IL17B: variants seen among roughly 807,000 people sequenced by gnomAD.
IL17B encodes the protein interleukin-17B.
Under a neutral mutation model 14.7 loss-of-function variants are expected in IL17B, and 14 were observed. The ratio of observed to expected loss-of-function variants is 0.95; its 90% CI spans 0.63 to 1.49. The LOEUF is 1.49. Among genes scored for constraint, IL17B ranks in the 40% most tolerant of loss-of-function variants. The pLI is 0.00. For synonymous variants in IL17B, 105 were observed against 94.8 expected (o/e 1.11, Z -0.62); for missense variants, 233 against 252.8 (o/e 0.92, Z 0.53).
chr5:149,402,270 G>T (rs1050159454), intron 1 of IL17B, among the ~76,000 whole-genome samples: 1 of 152,172 alleles, frequency 6.6e-6, no homozygotes, highest in Non-Finnish European at 1.5e-5. Flanking sequence ...AGCAGCCACG[G>T]TAGTGGAAGA....
intron 1 of IL17B, among the ~76,000 whole-genome samples, chr5:149,387,555 G>A (rs541067388): frequency 1.2e-3 from 180 of 152,106 alleles, no homozygotes; most frequent in Non-Finnish European, 2.2e-3. Context: ...AATTGCTTGA[G>A]GTCAGGAGTT....
intron 1 of IL17B, among the ~76,000 whole-genome samples, chr5:149,394,674 G>A (rs570561333): frequency 2.0e-5 from 3 of 152,284 alleles, no homozygotes; most frequent in Admixed American, 2.0e-4. Context: ...CATAAGAGCT[G>A]GCCAACTTTC....
At chr5:149,394,071 G>A (rs1303509701) in intron 1 of IL17B, among the ~76,000 whole-genome samples, 2 of 152,154 alleles carry the variant, frequency 1.3e-5, no homozygotes, top group African/African-American at 4.8e-5. Context: ...ATCAAAACAT[G>A]TCAGGACACT....
chr5:149,387,775 C>CAAAA (rs57775228), intron 1 of IL17B, among the ~76,000 whole-genome samples: 1 of 81,328 alleles, frequency 1.2e-5, no homozygotes, highest in Non-Finnish European at 2.4e-5. Flanking sequence ...GCCCCTGTCT[C>CAAAA]AAAAAAAAAA....
At chr5:149,389,469 T>C (rs1380191158) in intron 1 of IL17B, among the ~76,000 whole-genome samples, 1 of 152,220 alleles carries the variant, frequency 6.6e-6, no homozygotes, top group Non-Finnish European at 1.5e-5. Flanking sequence ...CTTTTACAGA[T>C]GGGAAAACAG....
chr5:149,394,898 G>A (rs977017754), intron 1 of IL17B, among the ~76,000 whole-genome samples: 2 of 151,824 alleles, frequency 1.3e-5, no homozygotes, highest in Admixed American at 6.6e-5. Flanking sequence ...TAGGTTTAAG[G>A]GTACCTGTGC....
rs2227457 is a variant in IL17B, at chr5:149,376,707, A to T, written c.311+29T>A. ...CACAGGAAAGGTCCCCACCCCCCAA[A>T]GACAGCTTGCCACCACTGCCCAGCC... On this transcript the variant is annotated intron_variant, in intron 2 of 2. Coordinates refer to ENST00000261796, the MANE Select transcript of IL17B (RefSeq NM_014443.3). 3,757 of 1,574,294 alleles carry T rather than the reference A, an allele frequency of 2.4e-3. 118 individuals are homozygous for T. In the East Asian group the frequency reaches 0.074, roughly 31 times the overall value.
intron 1 of IL17B, among the ~76,000 whole-genome samples, chr5:149,377,235 C>T (rs1758570249): frequency 6.6e-6 from 1 of 152,190 alleles, no homozygotes; most frequent in African/African-American, 2.4e-5. Flanking sequence ...CAGTCTTACA[C>T]TCAGCATGCT....
chr5:149,402,551 G>A (rs1014352394), intron 1 of IL17B, among the ~76,000 whole-genome samples: 10 of 152,042 alleles, frequency 6.6e-5, no homozygotes, highest in Admixed American at 6.5e-4. Flanking sequence ...GTAGATTAGG[G>A]AAGAGACAAC....
chr5:149,381,093 C>T (rs1758684417), upstream of IL17B, among the ~76,000 whole-genome samples: 1 of 152,224 alleles, frequency 6.6e-6, no homozygotes, highest in Non-Finnish European at 1.5e-5. Context: ...CACAGACATG[C>T]AACTGGGGTG....
upstream of IL17B, among the ~76,000 whole-genome samples, chr5:149,382,465 T>C (rs911802197): frequency 3.3e-4 from 50 of 152,352 alleles, no homozygotes; most frequent in African/African-American, 1.2e-3. Flanking sequence ...TGCTACTTAA[T>C]ATCCACTTAC....
intron 1 of IL17B, chr5:149,404,058 TC>T (rs943351323): frequency 4.6e-5 from 7 of 152,046 alleles, no homozygotes; most frequent in African/African-American, 1.5e-4. Flanking sequence ...CATACTCAGC[TC>T]CTAACAGGAA....
At chr5:149,391,817 G>T (rs1236560035) in intron 1 of IL17B, among the ~76,000 whole-genome samples, 1 of 152,168 alleles carries the variant, frequency 6.6e-6, no homozygotes, top group East Asian at 1.9e-4. Flanking sequence ...TTCACCATTG[G>T]CTATAAGCTC....
chr5:149,379,603 G>T (rs1015436466), upstream of IL17B, among the ~76,000 whole-genome samples: 3 of 152,238 alleles, frequency 2.0e-5, no homozygotes, highest in African/African-American at 7.2e-5. Context: ...TTGCTTAGGG[G>T]ATGGCAAGGG....
chr5:149,392,934 A>ACGTGCGTGTGTG (rs1039258865), intron 1 of IL17B, among the ~76,000 whole-genome samples: 3 of 92,040 alleles, frequency 3.3e-5, no homozygotes, highest in South Asian at 5.9e-4. Flanking sequence ...ATGTGTGTGT[A>ACGTGCGTGTGTG]CGTGCGTGTG....
intron 1 of IL17B, among the ~76,000 whole-genome samples, chr5:149,392,421 A>T (rs959203668): frequency 6.6e-6 from 1 of 152,262 alleles, no homozygotes; most frequent in Non-Finnish European, 1.5e-5. Flanking sequence ...CCGCTGTAGA[A>T]TGATACACTC....
chr5:149,382,922 T>C (rs769375883), upstream of IL17B, among the ~76,000 whole-genome samples: 1 of 152,100 alleles, frequency 6.6e-6, no homozygotes, highest in Non-Finnish European at 1.5e-5. Context: ...CTGACTATAA[T>C]ACAGGGAGGC....
intron 1 of IL17B, among the ~76,000 whole-genome samples, chr5:149,389,283 A>G (rs761760641): frequency 1.3e-5 from 2 of 152,246 alleles, no homozygotes; most frequent in Non-Finnish European, 2.9e-5. Context: ...ACCCCAAACT[A>G]GATTTATCCA....
chr5:149,379,283 C>T lies in IL17B; in HGVS notation c.-58G>A. The T allele has an allele frequency of 6.2e-7, 1 of 1,608,862 alleles. No individual in the cohort carries two copies. Among genetic ancestry groups the T allele is most frequent in the Non-Finnish European group, 8.5e-7 (1 of 1,176,272 alleles). On this transcript the variant is annotated 5_prime_UTR_variant, in exon 1 of 3. Transcript: ENST00000261796. The stretch of plus-strand genomic sequence containing the variant: ...TGCCCGCCTGGAACCCCAGATGCCG[C>T]CGAGAGAATGGCAGCAACAGGATGG...
Sources: allele counts gnomAD v4.1 joint callset (sites outside exome capture counted in the v4.1 genomes callset), GRCh38; gene constraint gnomAD v4.1.1; transcripts MANE v1.5; gene names NCBI Gene and HGNC (gene_info 2026-07-23, HGNC 2026-07-21).